The following NBEAL1 variants were observed in gnomAD, a reference collection of about 807,000 sequenced individuals.
NBEAL1 encodes the protein neurobeachin-like protein 1.
Under a neutral mutation model 351.3 loss-of-function variants are expected in NBEAL1, and 273 were observed. The ratio of observed to expected loss-of-function variants is 0.78; its 90% CI spans 0.70 to 0.86. NBEAL1 has a LOEUF of 0.86. NBEAL1 is among the 40% of genes least tolerant of loss of function. NBEAL1 has a pLI of 0.00. For missense variants in NBEAL1, 2,961 were observed against 3,201.3 expected (o/e 0.92, Z 1.81); for synonymous variants, 1,050 against 1,086.4 (o/e 0.97, Z 0.66).
At chr2:203,061,374 T>C (rs1009454851) in intron 6 of NBEAL1, 5 of 152,294 alleles carry the variant, frequency 3.3e-5, no homozygotes, top group African/African-American at 9.6e-5. Flanking sequence ...CTGAAGTCTT[T>C]ACCACATTTC....
At chr2:203,202,375 A>G (rs368460829) in intron 50 of NBEAL1, among the ~76,000 whole-genome samples, 5 of 152,240 alleles carry the variant, frequency 3.3e-5, no homozygotes, top group Admixed American at 6.5e-5. Context: ...GCAAAGTAGC[A>G]TATGAAAATT....
chr2:203,199,566 A>G (rs2065336649), intron 49 of NBEAL1, 119 bp downstream of exon 49: 2 of 569,490 alleles, frequency 3.5e-6, no homozygotes, highest in Non-Finnish European at 3.0e-6. Flanking sequence ...TTTTTTTGAG[A>G]CAGAGTCTTG....
chr2:203,124,266 G>A (rs999456430), intron 19 of NBEAL1, among the ~76,000 whole-genome samples: 21 of 152,164 alleles, frequency 1.4e-4, no homozygotes, highest in Admixed American at 1.1e-3. Flanking sequence ...CTGGAAGGTC[G>A]AGACTGCAGT....
rs1447109036 is a variant in NBEAL1, at chr2:203,079,855, T to A, written c.684+2018T>A. On this transcript the variant is annotated intron_variant, in intron 8 of 55. Coordinates refer to ENST00000683969, the MANE Select transcript of NBEAL1 (RefSeq NM_001378026.1). Reference sequence around the variant, plus strand: ...TTTAATGCTTAGATATTTATTTGAGTTCAAGAGCCTTTTTATAAGGCTTTT... The same window carrying A: ...TTTAATGCTTAGATATTTATTTGAGATCAAGAGCCTTTTTATAAGGCTTTT... 2.0e-5 allele frequency among the ~76,000 whole-genome samples: 3 copies of A among 152,264 alleles called. No individual in the cohort carries two copies. The South Asian group carries it at 6.2e-4, about 32-fold the overall frequency.
intron 9 of NBEAL1, among the ~76,000 whole-genome samples, chr2:203,084,166 C>A (rs1559353991): frequency 6.6e-6 from 1 of 152,072 alleles, no homozygotes; most frequent in Non-Finnish European, 1.5e-5. Context: ...ATATTATTAA[C>A]TGATAGTTCC....
rs965766849 is a variant in NBEAL1, at chr2:203,222,821, A to T, written c.*5467A>T. On this transcript the variant is annotated 3_prime_UTR_variant, in exon 56 of 56. Coordinates refer to ENST00000683969, the MANE Select transcript of NBEAL1 (RefSeq NM_001378026.1). ...TTCCTAATTAAAAAGCATTGGGTAA[A>T]TTATCTACTACTTCCAATGACTTTT... is the stretch of plus-strand genomic sequence containing the variant. 6.6e-6 allele frequency among the ~76,000 whole-genome samples: 1 copy of T among 152,204 alleles called. No individual in the cohort carries two copies. The highest frequency in any genetic ancestry group is 1.5e-5 in the Non-Finnish European group (1 of 68,014).
At chr2:203,016,049 C>G (rs1223126358) in intron 1 of NBEAL1, 107 bp from the exon 2 acceptor site, 2 of 184,932 alleles carry the variant, frequency 1.1e-5, no homozygotes, top group Non-Finnish European at 2.2e-5. Context: ...GAAAGTATAG[C>G]GGGTTGTTTG....
intron 25 of NBEAL1, 78 bp downstream of exon 25, chr2:203,130,554 G>A (rs1236751057): frequency 3.2e-6 from 3 of 926,538 alleles, no homozygotes; most frequent in African/African-American, 1.7e-5. Flanking sequence ...TATCCATTCT[G>A]TGACTATAAA....
chr2:203,177,472 C>A (rs528731542), intron 42 of NBEAL1, among the ~76,000 whole-genome samples: 114 of 151,856 alleles, frequency 7.5e-4, no homozygotes, highest in Middle Eastern at 3.4e-3. Flanking sequence ...ATAAACATTT[C>A]TTCAAAGGAG....
In NBEAL1 at chr2:203,035,235, A is replaced by C. The variant is rs186270270; in HGVS notation, c.52-6530A>C. ...ATGTGACTAGTGGCCCCCATATTGTATAGCACAGCTCTAAGTTAAGTGTTC... is the reference window on the plus strand; with the variant it reads ...ATGTGACTAGTGGCCCCCATATTGTCTAGCACAGCTCTAAGTTAAGTGTTC... On this transcript the variant is annotated intron_variant, in intron 2 of 55. Coordinates refer to ENST00000683969, the MANE Select transcript of NBEAL1 (RefSeq NM_001378026.1). 8.5e-4 allele frequency among the ~76,000 whole-genome samples: 127 copies of C among 149,364 alleles called. 10 individuals are homozygous for C. The highest frequency in any genetic ancestry group is 1.3e-3 in the Non-Finnish European group (85 of 66,554).
At chr2:203,025,402 C>T (rs1424025136) in intron 2 of NBEAL1, among the ~76,000 whole-genome samples, 1 of 152,122 alleles carries the variant, frequency 6.6e-6, no homozygotes, top group African/African-American at 2.4e-5. Context: ...ATTCTCGGAC[C>T]TTAGTTTTAG....
intron 46 of NBEAL1, chr2:203,191,337 A>G (rs1258683123): frequency 1.5e-6 from 1 of 675,780 alleles, no homozygotes; most frequent in Non-Finnish European, 2.5e-6. Context: ...AAAAAAAAAG[A>G]ATCAAATTAT....
Position 203,126,055 on chromosome 2 carries a change from T to G in NBEAL1, c.2947T>G (p.Ser983Ala). The G allele has an allele frequency of 1.3e-6, 2 of 1,544,368 alleles. No homozygotes were observed. Among genetic ancestry groups the G allele is most frequent in the Non-Finnish European group, 1.7e-6 (2 of 1,144,160 alleles). The change falls in exon 21 of 56, where the codon TCC (serine) becomes GCC (alanine). Residue 983 changes from serine (S) to alanine (A), a missense_variant. Ser to Ala is a moderately conservative substitution (Grantham distance 99). Coordinates refer to ENST00000683969, the MANE Select transcript of NBEAL1 (RefSeq NM_001378026.1). ...HPINQGNLIH[S>A]HGVATLGALL... ...TATCAACCAGGGCAATCTTATTCAC[T>G]CCCATGGAGTTGCAACTCTTGGTGC...
intron 41 of NBEAL1, among the ~76,000 whole-genome samples, chr2:203,174,281 A>G (rs2064424218): frequency 6.6e-6 from 1 of 151,370 alleles, no homozygotes; most frequent in South Asian, 2.1e-4. Flanking sequence ...AAGTAAAGAA[A>G]TAGTTAAATT....
intron 49 of NBEAL1, among the ~76,000 whole-genome samples, chr2:203,199,759 G>A (rs4673246): frequency 0.88 from 133,779 of 151,946 alleles, 60,110 homozygotes; most frequent in Non-Finnish European, 0.96. Context: ...GGGATTATAG[G>A]CCGCCTGGCC....
chr2:203,201,570 T>C lies in NBEAL1; in HGVS notation c.7266T>C (p.Phe2422=), dbSNP rs374980830. 2 of 1,597,470 alleles carry C rather than the reference T, an allele frequency of 1.3e-6. No homozygotes were observed. Among genetic ancestry groups the C allele is most frequent in the Non-Finnish European group, 1.7e-6 (2 of 1,171,996 alleles). The stretch of plus-strand genomic sequence containing the variant: ...CTCAGCGCAGTATAAATGGTTCTTT[T>C]GCTCCCGGGCTAGAGATCACTTCTA... ...PKTQRSINGS[F]APGLEITSKL... The change falls in exon 50 of 56, where the codon TTT becomes TTC. Residue 2422 remains phenylalanine (F), a synonymous_variant. Coordinates refer to ENST00000683969, the MANE Select transcript of NBEAL1 (RefSeq NM_001378026.1).
chr2:203,026,370 T>C (rs2060856895), intron 2 of NBEAL1, among the ~76,000 whole-genome samples: 1 of 152,236 alleles, frequency 6.6e-6, no homozygotes, highest in Admixed American at 6.5e-5. Context: ...AATAGTTTTA[T>C]GTGTGTATAC....
chr2:203,108,457 G>A (rs2062487809), intron 14 of NBEAL1, among the ~76,000 whole-genome samples: 1 of 151,264 alleles, frequency 6.6e-6, no homozygotes, highest in Non-Finnish European at 1.5e-5. Flanking sequence ...AGAGTGCAGT[G>A]GCGTGATCTC....
intron 4 of NBEAL1, among the ~76,000 whole-genome samples, chr2:203,050,798 C>T (rs571529114): frequency 6.6e-6 from 1 of 152,282 alleles, no homozygotes; most frequent in East Asian, 1.9e-4. Context: ...AGGCATTCCA[C>T]ATTCATCTAC....
Sources: allele counts gnomAD v4.1 joint callset (sites outside exome capture counted in the v4.1 genomes callset), GRCh38; gene constraint gnomAD v4.1.1; transcripts MANE v1.5; gene names NCBI Gene and HGNC (gene_info 2026-07-23, HGNC 2026-07-21).